GSE1: variants seen among roughly 807,000 people sequenced by gnomAD.
The protein encoded by GSE1 is genetic suppressor element 1.
A neutral mutation model predicts 112.6 loss-of-function variants in GSE1; 32 were observed. That is an observed-to-expected ratio of 0.28 (90% CI 0.21 to 0.38). The LOEUF (loss-of-function observed/expected upper bound fraction) is 0.38. GSE1 is among the 10% of genes least tolerant of loss of function. The pLI is 1.00. For synonymous variants in GSE1, 1,115 were observed against 735.6 expected (o/e 1.52, Z -8.35); for missense variants, 2,348 against 1,699.2 (o/e 1.38, Z -6.71).
chr16:85,416,762 C>T (rs958419516), intron 2 of GSE1, among the ~76,000 whole-genome samples: 1 of 152,264 alleles, frequency 6.6e-6, no homozygotes, highest in Non-Finnish European at 1.5e-5. Flanking sequence ...CTTGAAGGCC[C>T]AAGAACTTGC....
upstream of GSE1, chr16:85,613,199 C>T (rs568315696): frequency 2.3e-5 from 33 of 1,433,506 alleles, no homozygotes; most frequent in Admixed American, 8.8e-5. Context: ...GAGTGGGCGG[C>T]GTTGCGTTTG....
chr16:85,497,947 C>T (rs2051234940), intron 2 of GSE1, among the ~76,000 whole-genome samples: 1 of 152,066 alleles, frequency 6.6e-6, no homozygotes, highest in Admixed American at 6.5e-5. Flanking sequence ...TCGCTTTTAC[C>T]AGAAGTCTGT....
rs1168037793 is a variant in GSE1 at position 85,373,566 on chromosome 16, G to A, written c.2464+15923G>A. Among the ~76,000 whole-genome samples, 1 of 152,062 alleles carries A rather than the reference G, an allele frequency of 6.6e-6. No individual in the cohort carries two copies. Among genetic ancestry groups the A allele is most frequent in the Non-Finnish European group, 1.5e-5 (1 of 68,004 alleles). On this transcript the variant is annotated intron_variant, in intron 2 of 2. Transcript: ENST00000637419. The surrounding 1 kb of genome is among the most constrained non-coding windows in gnomAD (Gnocchi z 5.1). ...TGGGCTGGGGCACTGTGTATAGCAGGGATTCAGTGACCGCATCGCTACTAT... is the reference window on the plus strand; with the variant it reads ...TGGGCTGGGGCACTGTGTATAGCAGAGATTCAGTGACCGCATCGCTACTAT...
upstream of GSE1, among the ~76,000 whole-genome samples, chr16:85,607,103 G>A (rs2047739810): frequency 6.6e-6 from 1 of 151,886 alleles, no homozygotes; most frequent in South Asian, 2.1e-4. Context: ...GGGAGCTGCA[G>A]GAGGGAGGAG....
At chr16:85,451,970 C>G (rs34121889) in intron 2 of GSE1, among the ~76,000 whole-genome samples, 7 of 151,958 alleles carry the variant, frequency 4.6e-5, no homozygotes, top group Admixed American at 6.5e-5. Context: ...TGCCTCCCCC[C>G]CTCACCGAGT....
At chr16:85,260,328 T>C (rs970456283) in intron 1 of GSE1, among the ~76,000 whole-genome samples, 3 of 141,416 alleles carry the variant, frequency 2.1e-5, no homozygotes, top group Admixed American at 1.4e-4. Context: ...TCTTTTTTTT[T>C]TTTTTTTTTT....
At position 85,657,487 on chromosome 16, in the gene GSE1, A is replaced by T; in HGVS notation, c.1523A>T (p.Lys508Met). 6.2e-7 allele frequency: 1 copy of T among 1,607,636 alleles called. No individual in the cohort carries two copies. Among genetic ancestry groups the T allele is most frequent in the South Asian group, 1.1e-5 (1 of 90,438 alleles). The change falls in exon 8 of 16, where the codon AAG (lysine) becomes ATG (methionine). Residue 508 changes from lysine (K) to methionine (M), a missense_variant. Physicochemically the swap from Lys to Met is moderately conservative, Grantham distance 95 (BLOSUM62 -1). Coordinates refer to ENST00000253458, the MANE Select transcript of GSE1 (RefSeq NM_014615.5). ...CGGCAGCGGCGGCTGCGGCAGGAGA[A>T]GGAGGACCGGCAGTCTCAGGTGTCC... is the stretch of plus-strand genomic sequence containing the variant. ...LARQRRLRQEKEDRQSQVSEF... is the reference protein window; with the variant it reads ...LARQRRLRQEMEDRQSQVSEF...
intron 2 of GSE1, among the ~76,000 whole-genome samples, chr16:85,403,211 CG>C (rs1365660876): frequency 6.6e-6 from 1 of 152,054 alleles, no homozygotes; most frequent in African/African-American, 2.4e-5. Context: ...AGCCAGGGTG[CG>C]GGGGAGGGTA....
chr16:85,529,344 C>T (rs1195742236), intron 2 of GSE1, among the ~76,000 whole-genome samples: 1 of 152,234 alleles, frequency 6.6e-6, no homozygotes, highest in Non-Finnish European at 1.5e-5. Context: ...TGGAAGGCCT[C>T]AGCAGGCCTC....
At position 85,663,492 on chromosome 16, in the gene GSE1, C is replaced by G. The variant is rs201737949; in HGVS notation, c.2522C>G (p.Pro841Arg). The G allele has an allele frequency of 1.0e-4, 164 of 1,613,912 alleles. No individual in the cohort carries two copies. The East Asian group carries it at 2.5e-3, about 25-fold the overall frequency. ...TIQSKRQTPS[P>R]RLALSTRYSP... Reference sequence around the variant, plus strand: ...CAGAGCAAGCGGCAGACGCCTTCACCGAGACTGGCGCTGTCTACCCGCTAC... The same window carrying G: ...CAGAGCAAGCGGCAGACGCCTTCACGGAGACTGGCGCTGTCTACCCGCTAC... The change falls in exon 11 of 16, where the codon CCG becomes CGG. Residue 841 changes from proline to arginine, a missense_variant. Transcript: ENST00000253458.
chr16:85,223,394 G>A (rs996908549), intron 1 of GSE1, among the ~76,000 whole-genome samples: 18 of 151,716 alleles, frequency 1.2e-4, no homozygotes, highest in Admixed American at 3.9e-4. Flanking sequence ...GTAATGTCCT[G>A]AGCCTGTAAT....
In GSE1 at chr16:85,663,468, A is replaced by C; in HGVS notation, c.2498A>C (p.Gln833Pro). Residue 833 changes from glutamine to proline, a missense_variant, in exon 11 of 16, where the codon CAG (glutamine) becomes CCG (proline). Physicochemically the swap from Gln to Pro is moderately conservative, Grantham distance 76 (BLOSUM62 -1). Transcript: ENST00000253458. The stretch of plus-strand genomic sequence containing the variant: ...AGAAGCCCGTCGCCCCCAACAATTC[A>C]GAGCAAGCGGCAGACGCCTTCACCG... ...RERSPSPPTIQSKRQTPSPRL... is the reference protein window; with the variant it reads ...RERSPSPPTIPSKRQTPSPRL... 6.2e-7 allele frequency: 1 copy of C among 1,613,974 alleles called. No individual in the cohort carries two copies. The highest frequency in any genetic ancestry group is 8.5e-7 in the Non-Finnish European group (1 of 1,180,024).
chr16:85,263,841 G>A (rs1907960678), intron 1 of GSE1, among the ~76,000 whole-genome samples: 1 of 152,118 alleles, frequency 6.6e-6, no homozygotes, highest in Non-Finnish European at 1.5e-5. Context: ...CCAAAGTGCT[G>A]GGATTCCAGG....
chr16:85,321,035 A>G (rs960857845), intron 1 of GSE1, among the ~76,000 whole-genome samples: 1 of 151,700 alleles, frequency 6.6e-6, no homozygotes, highest in African/African-American at 2.4e-5. Context: ...CATCACCCCG[A>G]TCTTATTTAG....
rs543458982 is a variant in GSE1, at chr16:85,293,674, G to T, written c.2284-63789G>T. Among the ~76,000 whole-genome samples, 28 of 152,270 alleles carry T rather than the reference G, an allele frequency of 1.8e-4. No homozygotes were observed. The East Asian group carries it at 4.8e-3, about 26-fold the overall frequency. Reference sequence around the variant, plus strand: ...GCTTCCTTCTGCTGGAGCTAGAGTGGGAATCTGTCCGGGCCTTTCTTCCAG... The same window carrying T: ...GCTTCCTTCTGCTGGAGCTAGAGTGTGAATCTGTCCGGGCCTTTCTTCCAG... On this transcript the variant is annotated intron_variant, in intron 1 of 2. Transcript: ENST00000637419.
chr16:85,271,799 G>C (rs765436296), intron 1 of GSE1, among the ~76,000 whole-genome samples: 16 of 152,190 alleles, frequency 1.1e-4, no homozygotes, highest in Admixed American at 2.0e-4. Flanking sequence ...GAGATGGGAT[G>C]GGGGAGCTCC....
At chr16:85,210,921 G>C (rs973893235) in intron 1 of GSE1, among the ~76,000 whole-genome samples, 3 of 152,196 alleles carry the variant, frequency 2.0e-5, no homozygotes, top group Non-Finnish European at 4.4e-5. Context: ...TGGAAAGGTT[G>C]CTTTGCCTCT....
chr16:85,218,178 A>G (rs1451765089), intron 1 of GSE1, among the ~76,000 whole-genome samples: 2 of 152,172 alleles, frequency 1.3e-5, no homozygotes, highest in Non-Finnish European at 2.9e-5. Context: ...CTGGGATTAC[A>G]GACATGAATC....
At chr16:85,552,818 C>G (rs749411228), upstream of GSE1, among the ~76,000 whole-genome samples, 3 of 152,214 alleles carry the variant, frequency 2.0e-5, no homozygotes, top group Non-Finnish European at 4.4e-5. Flanking sequence ...GAGCACCCCT[C>G]CCTCTGTACC....
Sources: allele counts gnomAD v4.1 joint callset (sites outside exome capture counted in the v4.1 genomes callset), GRCh38; gene constraint gnomAD v4.1.1; non-coding constraint Gnocchi (gnomAD v3.1); transcripts MANE v1.5; gene names NCBI Gene and HGNC (gene_info 2026-07-23, HGNC 2026-07-21).